The following RBPMS variants were observed in gnomAD, a reference collection of about 807,000 sequenced individuals.
RBPMS encodes the protein RNA binding protein, mRNA processing factor.
A neutral mutation model predicts 26.8 loss-of-function variants in RBPMS; 7 were observed. The observed-to-expected ratio is 0.26, with a 90% CI of 0.15 to 0.49. The LOEUF is 0.49. Among genes scored for constraint, RBPMS ranks in the 20% least tolerant of loss-of-function variants. The pLI is 0.98. For synonymous variants in RBPMS, 96 were observed against 93.3 expected (o/e 1.03, Z -0.17); for missense variants, 186 against 250.0 (o/e 0.74, Z 1.73).
chr8:30,455,459 T>C (rs565778817), intron 1 of RBPMS, among the ~76,000 whole-genome samples: 22 of 151,876 alleles, frequency 1.4e-4, no homozygotes, highest in Non-Finnish European at 2.6e-4. Context: ...GTCCTGACTG[T>C]GGTATAAACA....
intron 5 of RBPMS, among the ~76,000 whole-genome samples, chr8:30,518,284 G>A (rs1233406005): frequency 6.6e-6 from 1 of 152,148 alleles, no homozygotes; most frequent in Non-Finnish European, 1.5e-5. Context: ...GTCCCACATG[G>A]CTGAAATAAG....
chr8:30,476,704 G>A (rs1301022032), intron 2 of RBPMS, among the ~76,000 whole-genome samples: 1 of 152,152 alleles, frequency 6.6e-6, no homozygotes, highest in African/African-American at 2.4e-5. Flanking sequence ...CTGTCTCTGC[G>A]CTGATGTGTG....
rs544540419 is a variant in RBPMS, at chr8:30,492,499, C to T, written c.247-11787C>T. On this transcript the variant is annotated intron_variant, in intron 4 of 8. Transcript: ENST00000397323. ...CCTTTTATCTTTAAAGGATCTAGAT[C>T]GTCATCTGCTAATTGGATATGAAAT... Among the ~76,000 whole-genome samples, 12 of 152,192 alleles carry T rather than the reference C, an allele frequency of 7.9e-5. No homozygotes were observed. In the East Asian group the frequency reaches 2.3e-3, roughly 29 times the overall value.
chr8:30,521,277 TTC>T (rs1822991994), intron 5 of RBPMS, among the ~76,000 whole-genome samples: 1 of 152,188 alleles, frequency 6.6e-6, no homozygotes, highest in Non-Finnish European at 1.5e-5. Flanking sequence ...GTTTAACATT[TTC>T]TCTTTGTTTG....
chr8:30,466,966 A>G (rs1488634754), intron 1 of RBPMS, among the ~76,000 whole-genome samples: 1 of 152,168 alleles, frequency 6.6e-6, no homozygotes, highest in East Asian at 1.9e-4. Flanking sequence ...CTGAACCAAA[A>G]CTTGCCTTCC....
chr8:30,480,274 G>A (rs890963924), intron 4 of RBPMS, among the ~76,000 whole-genome samples: 1 of 152,174 alleles, frequency 6.6e-6, no homozygotes, highest in African/African-American at 2.4e-5. Flanking sequence ...GGAGGCGTCT[G>A]GGAACTTGCG....
chr8:30,569,893 G>A (rs561706702), intron 8 of RBPMS, among the ~76,000 whole-genome samples: 3 of 152,304 alleles, frequency 2.0e-5, no homozygotes, highest in Admixed American at 6.5e-5. Context: ...AACCTAAAGA[G>A]ACAGGCAAGT....
intron 5 of RBPMS, among the ~76,000 whole-genome samples, chr8:30,515,048 A>G (rs1274214466): frequency 1.3e-5 from 2 of 152,116 alleles, no homozygotes; most frequent in African/African-American, 2.4e-5. Flanking sequence ...GTTCGATCAT[A>G]GCCTCAAACT....
intron 4 of RBPMS, among the ~76,000 whole-genome samples, chr8:30,503,791 A>G (rs1467444797): frequency 6.6e-6 from 1 of 152,066 alleles, no homozygotes; most frequent in African/African-American, 2.4e-5. Flanking sequence ...TATCTTTTTG[A>G]CACGTAGGGT....
At chr8:30,526,757 G>GGGAAGAA (rs1245126964) in intron 5 of RBPMS, among the ~76,000 whole-genome samples, 1 of 152,076 alleles carries the variant, frequency 6.6e-6, no homozygotes, top group Non-Finnish European at 1.5e-5. Context: ...CAATAAATTT[G>GGGAAGAA]GGAAGAAGGA....
intron 4 of RBPMS, among the ~76,000 whole-genome samples, chr8:30,481,682 G>A (rs1818298618): frequency 6.6e-6 from 1 of 152,142 alleles, no homozygotes; most frequent in South Asian, 2.1e-4. Flanking sequence ...TGTTTTGTGG[G>A]CCTGAGGGAA....
chr8:30,419,526 A>G (rs1810509562), intron 1 of RBPMS, among the ~76,000 whole-genome samples: 1 of 151,192 alleles, frequency 6.6e-6, no homozygotes, highest in African/African-American at 2.4e-5. Flanking sequence ...TTCTAATCTC[A>G]AAATGCCCCA....
intron 1 of RBPMS, chr8:30,446,843 G>GTGTGTGTGCA (rs1563326509): frequency 1.7e-5 from 1 of 57,868 alleles, no homozygotes; most frequent in Admixed American, 1.9e-4. Context: ...GTGTGTGTGT[G>GTGTGTGTGCA]CGCGCGCGCG....
At chr8:30,488,069 T>A (rs1563366902) in intron 4 of RBPMS, among the ~76,000 whole-genome samples, 1 of 152,174 alleles carries the variant, frequency 6.6e-6, no homozygotes, top group Non-Finnish European at 1.5e-5. Flanking sequence ...TATAAACCTA[T>A]GACCAACAGT....
At chr8:30,529,134 G>A (rs1020291473) in intron 5 of RBPMS, among the ~76,000 whole-genome samples, 1 of 151,956 alleles carries the variant, frequency 6.6e-6, no homozygotes, top group South Asian at 2.1e-4. Context: ...CGGGAAAATC[G>A]CTGGAACCCA....
intron 5 of RBPMS, among the ~76,000 whole-genome samples, chr8:30,520,350 CGTT>C (rs931713261): frequency 1.3e-5 from 2 of 152,012 alleles, no homozygotes; most frequent in East Asian, 1.9e-4. Context: ...TTTGTTGCAT[CGTT>C]GTTGTTATTG....
At chr8:30,478,527 G>A (rs934263473) in intron 3 of RBPMS, among the ~76,000 whole-genome samples, 7 of 148,084 alleles carry the variant, frequency 4.7e-5, no homozygotes, top group African/African-American at 1.8e-4. Context: ...TTGAGACGGA[G>A]TCTCACTATG....
At chr8:30,562,558 C>G (rs886677833) in intron 7 of RBPMS, among the ~76,000 whole-genome samples, 2 of 152,152 alleles carry the variant, frequency 1.3e-5, no homozygotes, top group Non-Finnish European at 2.9e-5. Context: ...CTTCTAGTCT[C>G]TTGGATCAAG....
intron 4 of RBPMS, among the ~76,000 whole-genome samples, chr8:30,480,353 G>GA (rs1818145932): frequency 6.6e-6 from 1 of 152,206 alleles, no homozygotes; most frequent in Non-Finnish European, 1.5e-5. Flanking sequence ...AGACCATGCA[G>GA]AGTGCTGTTG....
Sources: gnomAD v4.1 joint callset for allele counts (sites outside exome capture counted in the v4.1 genomes callset) on GRCh38, gnomAD v4.1.1 for gene constraint, MANE v1.5 for transcripts, NCBI Gene and HGNC (gene_info 2026-07-23, HGNC 2026-07-21) for gene names.